The following ZFHX3 variants were observed in gnomAD, a reference collection of about 807,000 sequenced individuals.
ZFHX3 encodes the protein zinc finger homeobox protein 3.
A neutral mutation model predicts 279.1 loss-of-function variants in ZFHX3; 42 were observed. That is an observed-to-expected ratio of 0.15 (90% CI 0.12 to 0.19). The LOEUF (loss-of-function observed/expected upper bound fraction) is 0.19, where lower values mean the gene tolerates loss of function less well. Ranked by LOEUF, ZFHX3 falls within the 10% of genes least tolerant of loss-of-function variation. The pLI, the probability that ZFHX3 is intolerant of heterozygous loss-of-function variation, is 1.00. For missense variants in ZFHX3, 4,981 were observed against 4,754.0 expected, an observed-to-expected ratio of 1.05 and a Z score of -1.40; for synonymous variants, 2,293 against 1,957.8, an observed-to-expected ratio of 1.17 and a Z score of -4.52.
chr16:72,833,142 G>A (rs937743379), intron 4 of ZFHX3, among the ~76,000 whole-genome samples: 1 of 152,214 alleles, frequency 6.6e-6, no homozygotes, highest in Admixed American at 6.5e-5. Context: ...GCCAGGCCTG[G>A]GGAAGGGCTT....
At chr16:73,426,462 G>A (rs2017811658) in intron 3 of ZFHX3, among the ~76,000 whole-genome samples, 1 of 152,150 alleles carries the variant, frequency 6.6e-6, no homozygotes, top group Non-Finnish European at 1.5e-5. Flanking sequence ...CATTAATGGG[G>A]ATCAGTACAG....
chr16:73,435,789 A>G (rs781064856), intron 3 of ZFHX3, among the ~76,000 whole-genome samples: 18 of 152,136 alleles, frequency 1.2e-4, no homozygotes, highest in Non-Finnish European at 2.1e-4. Flanking sequence ...GTACTCACCA[A>G]TGAGTCACCC....
chr16:73,553,734 G>T (rs1165682671), intron 2 of ZFHX3, among the ~76,000 whole-genome samples: 2 of 152,180 alleles, frequency 1.3e-5, no homozygotes, highest in Non-Finnish European at 2.9e-5. Context: ...ATCCCACCTG[G>T]CTAGATAGCA....
At chr16:73,726,581 T>C (rs1185938572) in intron 1 of ZFHX3, among the ~76,000 whole-genome samples, 1 of 152,190 alleles carries the variant, frequency 6.6e-6, no homozygotes, top group Non-Finnish European at 1.5e-5. Flanking sequence ...TGGCTCACCA[T>C]TCTGAAGGCT....
At chr16:73,642,152 G>T (rs539872793) in intron 2 of ZFHX3, among the ~76,000 whole-genome samples, 3 of 152,142 alleles carry the variant, frequency 2.0e-5, no homozygotes, top group Non-Finnish European at 4.4e-5. Flanking sequence ...CCAGTCTCTC[G>T]TGAAAGCAGC....
At chr16:73,885,900 G>T (rs1274693204) in intron 1 of ZFHX3, among the ~76,000 whole-genome samples, 1 of 152,162 alleles carries the variant, frequency 6.6e-6, no homozygotes, top group Non-Finnish European at 1.5e-5. Flanking sequence ...CCCCCTGACT[G>T]AGGGAAATTT....
chr16:73,450,702 A>G (rs2018269242), intron 3 of ZFHX3, among the ~76,000 whole-genome samples: 2 of 152,128 alleles, frequency 1.3e-5, no homozygotes, highest in Admixed American at 6.5e-5. Context: ...TTTAATCCTC[A>G]AGGTTTCCTG....
intron 4 of ZFHX3, among the ~76,000 whole-genome samples, chr16:72,876,229 A>G (rs2038308556): frequency 6.6e-6 from 1 of 152,236 alleles, no homozygotes; most frequent in Non-Finnish European, 1.5e-5. Context: ...GAAGAATCTT[A>G]TAGAAGCAAA....
At chr16:73,087,347 T>G (rs1464051151) in intron 8 of ZFHX3, among the ~76,000 whole-genome samples, 2 of 152,110 alleles carry the variant, frequency 1.3e-5, no homozygotes, top group Non-Finnish European at 2.9e-5. Context: ...GAAACCAACG[T>G]ACCCAGCGGG....
chr16:73,688,543 C>T (rs1004125271), intron 1 of ZFHX3, among the ~76,000 whole-genome samples: 1 of 152,058 alleles, frequency 6.6e-6, no homozygotes, highest in South Asian at 2.1e-4. Context: ...CAAAGGCGCC[C>T]TGTATGAAGC....
At chr16:73,060,829 A>G (rs1381929237), upstream of ZFHX3, 20 of 152,220 alleles carry the variant, frequency 1.3e-4, no homozygotes, top group Admixed American at 1.3e-3. Context: ...TTATTTTAGA[A>G]GGAATTTGGG....
At chr16:73,844,794 G>C (rs927221834) in intron 1 of ZFHX3, among the ~76,000 whole-genome samples, 4 of 151,828 alleles carry the variant, frequency 2.6e-5, no homozygotes, top group Admixed American at 1.3e-4. Flanking sequence ...TTAGTAGACA[G>C]ATGATGGGTA....
chr16:73,810,714 G>C (rs1027616333), intron 1 of ZFHX3, among the ~76,000 whole-genome samples: 3 of 152,068 alleles, frequency 2.0e-5, no homozygotes, highest in Admixed American at 1.3e-4. Context: ...AAATGGAAGA[G>C]CTTGAACTAT....
At chr16:73,150,149 T>G (rs1966905342) in intron 5 of ZFHX3, among the ~76,000 whole-genome samples, 1 of 152,198 alleles carries the variant, frequency 6.6e-6, no homozygotes, top group Admixed American at 6.5e-5. Context: ...TGCTGCTGGA[T>G]GGAGGCTCCA....
chr16:73,070,907 G>C (rs912184039), intron 8 of ZFHX3, among the ~76,000 whole-genome samples: 3 of 130,114 alleles, frequency 2.3e-5, no homozygotes, highest in East Asian at 4.6e-4. Flanking sequence ...CTGGTTCCTA[G>C]ACCGTCTTGC....
At position 72,811,920 on chromosome 16, in the gene ZFHX3, C is replaced by G. The variant is rs2036463741; in HGVS notation, c.3648G>C (p.Glu1216Asp). The change falls in exon 6 of 10, where the codon GAG (glutamate) becomes GAC (aspartate). Residue 1216 changes from glutamate (E) to aspartate (D), a missense_variant. This residue lies in a region of ZFHX3 where 1,751 missense variants were observed against 1,770.0 expected (regional missense o/e 0.99). Coordinates refer to ENST00000268489, the MANE Select transcript of ZFHX3 (RefSeq NM_006885.4). ...LSSKRPKTAEEIKPEQMYQCP... is the reference protein window; with the variant it reads ...LSSKRPKTAEDIKPEQMYQCP... ...CCAGCCTCACCTGCTCCGGTTTGAT[C>G]TCCTCAGCTGTTTTTGGTCGCTTCG... The G allele has an allele frequency of 5.6e-6, 9 of 1,612,238 alleles. No individual in the cohort carries two copies. Among genetic ancestry groups the G allele is most frequent in the Non-Finnish European group, 7.6e-6 (9 of 1,179,084 alleles).
Position 72,797,194 on chromosome 16 carries a change from C to T in ZFHX3, c.5488G>A (p.Gly1830Ser). Residue 1830 changes from glycine to serine, a missense_variant, in exon 9 of 10, where the codon GGC (glycine) becomes AGC (serine). Around this residue, in one of 7 missense-constraint regions of ZFHX3, gnomAD observed 1,751 missense variants for 1,770.0 expected, o/e 0.99. Coordinates refer to ENST00000268489, the MANE Select transcript of ZFHX3 (RefSeq NM_006885.4). Reference sequence around the variant, plus strand: ...TGAGCCTTCAGATCTTCCAGCAGGCCTGGGCCTGTCCCAGTCAGTGTCAGT... The same window carrying T: ...TGAGCCTTCAGATCTTCCAGCAGGCTTGGGCCTGTCCCAGTCAGTGTCAGT... The part of the protein sequence containing the change: ...GALTLTGTGP[G>S]LLEDLKAQVQ... 2 of 1,614,104 alleles carry T rather than the reference C, an allele frequency of 1.2e-6. No individual in the cohort carries two copies. The highest frequency in any genetic ancestry group is 2.2e-5 in the East Asian group (1 of 44,866).
At chr16:73,188,827 G>T (rs892468625) in intron 5 of ZFHX3, among the ~76,000 whole-genome samples, 1 of 151,622 alleles carries the variant, frequency 6.6e-6, no homozygotes, top group Non-Finnish European at 1.5e-5. Context: ...TTCCCCTATG[G>T]CTATTTACAG....
chr16:73,749,514 T>C (rs568607238), intron 1 of ZFHX3, among the ~76,000 whole-genome samples: 1 of 152,234 alleles, frequency 6.6e-6, no homozygotes, highest in Non-Finnish European at 1.5e-5. Flanking sequence ...GAAGGCAGAG[T>C]CCATATCTTC....
Sources: gnomAD v4.1 joint callset for allele counts (sites outside exome capture counted in the v4.1 genomes callset) on GRCh38, gnomAD v4.1.1 for gene constraint, gnomAD v4.1.1 regional missense constraint, MANE v1.5 for transcripts, NCBI Gene and HGNC (gene_info 2026-07-23, HGNC 2026-07-21) for gene names.